Variants in CSMD1 observed in about 807,000 individuals in gnomAD.
CSMD1 encodes CUB and Sushi multiple domains 1.
CSMD1 carries 213 observed loss-of-function variants against 417.5 expected under a neutral mutation model. The ratio of observed to expected loss-of-function variants is 0.51; its 90% CI spans 0.46 to 0.57. CSMD1 has a LOEUF of 0.57. CSMD1 is among the 20% of genes least tolerant of loss of function. The pLI is 0.00. For missense variants in CSMD1, 6,923 were observed against 4,529.7 expected (o/e 1.53, Z -15.17); for synonymous variants, 2,862 against 1,736.8 (o/e 1.65, Z -16.11).
chr8:3,773,480 T>C (rs552639831), intron 5 of CSMD1, among the ~76,000 whole-genome samples: 6 of 152,060 alleles, frequency 3.9e-5, no homozygotes, highest in African/African-American at 1.4e-4. Flanking sequence ...AGAGATTGGG[T>C]CTCACCGTGT....
chr8:3,189,194 T>C (rs1230358460), intron 34 of CSMD1, among the ~76,000 whole-genome samples, 183 bp from the exon 35 acceptor site: 1 of 152,212 alleles, frequency 6.6e-6, no homozygotes, highest in Non-Finnish European at 1.5e-5. Context: ...GCAAAATAAT[T>C]ATTACCTATT....
At chr8:3,898,659 C>T (rs755777590) in intron 5 of CSMD1, among the ~76,000 whole-genome samples, 6 of 152,124 alleles carry the variant, frequency 3.9e-5, no homozygotes, top group Non-Finnish European at 8.8e-5. Context: ...CACATGCAGA[C>T]CTGGTATTTG....
At position 3,721,373 on chromosome 8, in the gene CSMD1, A is replaced by G. The variant is rs375447082; in HGVS notation, c.932-12882T>C. 5.9e-5 allele frequency among the ~76,000 whole-genome samples: 9 copies of G among 152,248 alleles called. No homozygotes were observed. In the South Asian group the frequency reaches 1.2e-3, roughly 21 times the overall value. ...GACGGCAGATGAAAGTGAATCATCA[A>G]CGTCTCTAGCCCAGGTTTTTAGGAT... On this transcript the variant is annotated intron_variant, in intron 6 of 69. Transcript: ENST00000635120.
rs1255960867 is a variant in CSMD1, at chr8:3,214,564, T to C, written c.4800A>G (p.Ser1600=). The part of the protein sequence containing the change: ...CDSGYKILDP[S]SITCVIGADG... ...CAGCCCCAATCACACAGGTGATGGA[T>C]GAGGGGTCAAGAATCTTATAGCCAG... The change falls in exon 30 of 70, where the codon TCA becomes TCG. Residue 1600 remains serine, a synonymous_variant. Transcript: ENST00000635120. 1.3e-6 allele frequency: 2 copies of C among 1,590,344 alleles called. No individual in the cohort carries two copies.
chr8:4,207,816 G>C (rs758440358), intron 3 of CSMD1, among the ~76,000 whole-genome samples: 6 of 152,088 alleles, frequency 3.9e-5, no homozygotes, highest in Non-Finnish European at 5.9e-5. Flanking sequence ...TAATTATGTT[G>C]AAACAGATGC....
At chr8:4,449,481 T>G (rs553109936) in intron 2 of CSMD1, among the ~76,000 whole-genome samples, 63 of 152,210 alleles carry the variant, frequency 4.1e-4, no homozygotes, top group Non-Finnish European at 7.9e-4. Flanking sequence ...CCATCATCCT[T>G]CAGTGTAATA....
intron 3 of CSMD1, among the ~76,000 whole-genome samples, chr8:4,080,970 C>T (rs184506714): frequency 2.0e-5 from 3 of 152,206 alleles, no homozygotes; most frequent in East Asian, 3.9e-4. Flanking sequence ...CAAATTAATG[C>T]CCTTATACAA....
chr8:3,789,371 G>GT (rs796831363), intron 5 of CSMD1, among the ~76,000 whole-genome samples: 1,101 of 107,334 alleles, frequency 0.01, 13 homozygotes, highest in African/African-American at 0.033. Context: ...TATTGCTAGT[G>GT]TTTTTTTTTT....
intron 3 of CSMD1, among the ~76,000 whole-genome samples, chr8:4,154,601 T>C (rs1796734970): frequency 1.3e-5 from 2 of 152,300 alleles, no homozygotes; most frequent in South Asian, 4.1e-4. Flanking sequence ...GCAATAGGAA[T>C]GCATGAGCCT....
At chr8:3,403,057 G>A (rs1211887427) in intron 15 of CSMD1, among the ~76,000 whole-genome samples, 1 of 152,082 alleles carries the variant, frequency 6.6e-6, no homozygotes, top group East Asian at 1.9e-4. Context: ...TTTATGGATA[G>A]ACATTTGCTT....
intron 39 of CSMD1, among the ~76,000 whole-genome samples, chr8:3,157,042 T>C (rs776983149): frequency 4.9e-5 from 7 of 143,388 alleles, no homozygotes; most frequent in Admixed American, 3.5e-4. Flanking sequence ...GCAGAGGAAG[T>C]AGATCCAGGA....
rs573898426 is a variant in CSMD1, at chr8:4,092,256, A to T, written c.416-60157T>A. Among the ~76,000 whole-genome samples, 3 of 152,316 alleles carry T rather than the reference A, an allele frequency of 2.0e-5. No individual in the cohort carries two copies. In the South Asian group the frequency reaches 6.2e-4, roughly 32 times the overall value. On this transcript the variant is annotated intron_variant, in intron 3 of 69. Transcript: ENST00000635120. The stretch of plus-strand genomic sequence containing the variant: ...AGGAAGACAAACAGGCAAAACCTCC[A>T]TTAATTTGTTCCAACCAACTGAGTA...
intron 5 of CSMD1, among the ~76,000 whole-genome samples, chr8:3,935,498 C>T (rs1366868133): frequency 3.7e-4 from 57 of 152,128 alleles, no homozygotes; most frequent in Admixed American, 3.5e-3. Context: ...TGCATCTACT[C>T]GTTTTTGGTG....
chr8:4,841,461 G>A (rs976322712), intron 1 of CSMD1, among the ~76,000 whole-genome samples: 1 of 151,952 alleles, frequency 6.6e-6, no homozygotes, highest in South Asian at 2.1e-4. Context: ...AGTGTTAAAC[G>A]AATAAACTAG....
intron 23 of CSMD1, among the ~76,000 whole-genome samples, chr8:3,336,461 TG>T (rs373178699): frequency 1.2e-3 from 188 of 152,320 alleles, no homozygotes; most frequent in African/African-American, 4.4e-3. Context: ...ATTTCATATG[TG>T]TTTTCTACAT....
intron 3 of CSMD1, among the ~76,000 whole-genome samples, chr8:4,139,179 C>T (rs151147523): frequency 0.3 from 44,997 of 151,956 alleles, 8,083 homozygotes; most frequent in Non-Finnish European, 0.39. Context: ...TTTACTTAAA[C>T]TGTTTCAGTT....
At chr8:3,396,686 T>C (rs542515561) in intron 16 of CSMD1, among the ~76,000 whole-genome samples, 5 of 152,222 alleles carry the variant, frequency 3.3e-5, no homozygotes, top group African/African-American at 4.8e-5. Context: ...TCTTAGATGA[T>C]AGATTGATAG....
At chr8:3,675,911 A>G (rs1358038160) in intron 7 of CSMD1, among the ~76,000 whole-genome samples, 1 of 152,188 alleles carries the variant, frequency 6.6e-6, no homozygotes, top group Admixed American at 6.5e-5. Context: ...CTCTCTCAGC[A>G]CTGTCCCATC....
At chr8:4,273,910 A>G (rs928739038) in intron 3 of CSMD1, among the ~76,000 whole-genome samples, 1 of 152,166 alleles carries the variant, frequency 6.6e-6, no homozygotes, top group African/African-American at 2.4e-5. Context: ...GACTCTCACC[A>G]TTATCACTGG....
Sources: allele counts gnomAD v4.1 joint callset (sites outside exome capture counted in the v4.1 genomes callset), GRCh38; gene constraint gnomAD v4.1.1; transcripts MANE v1.5; gene names NCBI Gene and HGNC (gene_info 2026-07-23, HGNC 2026-07-21).